IL1RAPL1: variants seen among roughly 807,000 people sequenced by gnomAD.
IL1RAPL1 encodes the protein interleukin 1 receptor accessory protein like 1, also known as interleukin-1 receptor accessory protein-like 1.
Under a neutral mutation model 48.4 loss-of-function variants are expected in IL1RAPL1, and 3 were observed. The observed-to-expected ratio is 0.06, with a 90% confidence interval of 0.03 to 0.16. The LOEUF (loss-of-function observed/expected upper bound fraction) is 0.16, where lower values mean the gene tolerates loss of function less well. Among genes scored for constraint, IL1RAPL1 ranks in the 10% least tolerant of loss-of-function variants. The probability of loss-of-function intolerance (pLI) is 1.00; values close to 1 mark genes in which losing one functional copy is unlikely to be tolerated. For missense variants in IL1RAPL1, 349 were observed against 530.6 expected, an observed-to-expected ratio of 0.66 and a Z score of 3.36; for synonymous variants, 185 against 187.7, an observed-to-expected ratio of 0.99 and a Z score of 0.12.
chrX:29,626,570 C>T (rs1446196551), intron 5 of IL1RAPL1, among the ~76,000 whole-genome samples: 1 of 112,220 alleles, frequency 8.9e-6, no homozygotes, highest in Non-Finnish European at 1.9e-5. Context: ...AAAAGTGATG[C>T]AAACTCACAA....
At chrX:29,807,966 C>A (rs375923413) in intron 6 of IL1RAPL1, among the ~76,000 whole-genome samples, 13 of 111,725 alleles carry the variant, frequency 1.2e-4, no homozygotes, top group Middle Eastern at 4.7e-3. Context: ...CAATCTTTCA[C>A]CTGATAATTT....
chrX:29,010,614 C>T (rs1192389135), intron 2 of IL1RAPL1, among the ~76,000 whole-genome samples: 3 of 111,713 alleles, frequency 2.7e-5, no homozygotes, highest in Non-Finnish European at 3.8e-5. Context: ...ATTCAAATAT[C>T]GATTTTAGTG....
intron 2 of IL1RAPL1, among the ~76,000 whole-genome samples, chrX:28,803,000 A>C (rs1936692310): frequency 9.0e-6 from 1 of 111,156 alleles, no homozygotes; most frequent in African/African-American, 3.3e-5. Context: ...GTATATATAT[A>C]TTTCTCCTAT....
chrX:29,082,896 G>A (rs974788551), intron 2 of IL1RAPL1, among the ~76,000 whole-genome samples: 1 of 111,778 alleles, frequency 8.9e-6, no homozygotes, highest in African/African-American at 3.3e-5. Context: ...TGAGGCTAAG[G>A]TAAATCCAAG....
At chrX:29,615,107 T>G (rs1427665281) in intron 5 of IL1RAPL1, among the ~76,000 whole-genome samples, 1 of 112,288 alleles carries the variant, frequency 8.9e-6, no homozygotes, top group Non-Finnish European at 1.9e-5. Flanking sequence ...ACCTAAAGAT[T>G]ACAGTTTATT....
At chrX:28,727,813 C>T (rs1268647831) in intron 1 of IL1RAPL1, among the ~76,000 whole-genome samples, 1 of 110,760 alleles carries the variant, frequency 9.0e-6, no homozygotes, top group East Asian at 2.8e-4. Context: ...AGTAAACTAT[C>T]GCAAGAACAA....
At chrX:29,300,727 C>G (rs1374978523) in intron 3 of IL1RAPL1, among the ~76,000 whole-genome samples, 2 of 112,003 alleles carry the variant, frequency 1.8e-5, no homozygotes, top group Non-Finnish European at 3.8e-5. Flanking sequence ...AAATGTTGTT[C>G]TAGTTTCTAA....
intron 2 of IL1RAPL1, among the ~76,000 whole-genome samples, chrX:28,930,164 C>T (rs763926991): frequency 1.6e-4 from 18 of 112,167 alleles, no homozygotes; most frequent in Non-Finnish European, 3.0e-4. Context: ...ACAATCCTTA[C>T]TCTAATCCTT....
At chrX:29,080,924 TTTTCTTTCTTTCTTTC>T (rs1270246223) in intron 2 of IL1RAPL1, among the ~76,000 whole-genome samples, 52 of 67,893 alleles carry the variant, frequency 7.7e-4, no homozygotes, top group Non-Finnish European at 9.0e-4. Context: ...TTTAAATATT[TTTTCTTTCTTTCTTTC>T]TTTCTTTCTT....
At chrX:29,600,999 C>T (rs1471373654) in intron 5 of IL1RAPL1, among the ~76,000 whole-genome samples, 1 of 111,144 alleles carries the variant, frequency 9.0e-6, no homozygotes, top group Non-Finnish European at 1.9e-5. Flanking sequence ...CCATGAGCCT[C>T]CCTACTGAAA....
chrX:29,943,552 G>A (rs1486673097), intron 9 of IL1RAPL1, among the ~76,000 whole-genome samples: 1 of 111,702 alleles, frequency 9.0e-6, no homozygotes, highest in Non-Finnish European at 1.9e-5. Context: ...TTTAAATTTA[G>A]TATGTTCAGT....
At chrX:29,493,456 G>A (rs184167598) in intron 5 of IL1RAPL1, among the ~76,000 whole-genome samples, 17 of 111,736 alleles carry the variant, frequency 1.5e-4, no homozygotes, top group African/African-American at 2.3e-4. Context: ...TAGTTATACC[G>A]TTAAGGAATA....
At chrX:29,588,266 A>C (rs904870770) in intron 5 of IL1RAPL1, among the ~76,000 whole-genome samples, 17 of 112,398 alleles carry the variant, frequency 1.5e-4, no homozygotes, top group Non-Finnish European at 3.0e-4. Flanking sequence ...AATGGGAAGC[A>C]ACAATGGATA....
intron 5 of IL1RAPL1, among the ~76,000 whole-genome samples, chrX:29,470,007 T>C (rs1210656821): frequency 8.9e-6 from 1 of 112,158 alleles, no homozygotes; most frequent in African/African-American, 3.2e-5. Flanking sequence ...TTCAGTTTGC[T>C]GGAATTAATA....
intron 1 of IL1RAPL1, among the ~76,000 whole-genome samples, chrX:28,738,450 T>C (rs1181549882): frequency 3.6e-5 from 4 of 111,614 alleles, no homozygotes; most frequent in East Asian, 2.8e-4. Flanking sequence ...ATAAGCACTC[T>C]GGACAAAAAT....
chrX:29,429,757 C>A (rs1311060951), intron 5 of IL1RAPL1, among the ~76,000 whole-genome samples: 2 of 111,055 alleles, frequency 1.8e-5, no homozygotes, highest in Non-Finnish European at 3.8e-5. Flanking sequence ...CTCTAGACTC[C>A]TCTTCAGTGT....
chrX:29,682,995 GATAA>G (rs1265476808), intron 6 of IL1RAPL1, among the ~76,000 whole-genome samples: 1 of 112,030 alleles, frequency 8.9e-6, no homozygotes. Flanking sequence ...GTTGAGTTTG[GATAA>G]ATAAATAGGG....
intron 3 of IL1RAPL1, among the ~76,000 whole-genome samples, chrX:29,376,610 C>G: frequency 9.0e-6 from 1 of 111,131 alleles, no homozygotes; most frequent in Middle Eastern, 4.6e-3. Flanking sequence ...TGGGCTCAAA[C>G]AATCCACCCA....
chrX:29,516,363 A>G (rs773487972), intron 5 of IL1RAPL1, among the ~76,000 whole-genome samples: 52 of 111,848 alleles, frequency 4.6e-4, no homozygotes, highest in Non-Finnish European at 7.9e-4. Flanking sequence ...ATGAACTCCT[A>G]TGTATCAGTT....
Sources: allele counts gnomAD v4.1 joint callset (sites outside exome capture counted in the v4.1 genomes callset), GRCh38; gene constraint gnomAD v4.1.1; transcripts MANE v1.5; gene names NCBI Gene and HGNC (gene_info 2026-07-23, HGNC 2026-07-21).